The following IL22 variants were observed in gnomAD, a reference collection of about 807,000 sequenced individuals.
The protein encoded by IL22 is interleukin 22.
In IL22, 15 loss-of-function variants were observed where a neutral mutation model predicts 15.5. The ratio of observed to expected loss-of-function variants is 0.97; its 90% CI spans 0.65 to 1.49. The LOEUF (loss-of-function observed/expected upper bound fraction) is 1.49, where lower values mean the gene tolerates loss of function less well. Ranked by LOEUF, IL22 falls within the 40% of genes most tolerant of loss-of-function variation. The probability of loss-of-function intolerance (pLI) is 0.00; values close to 1 mark genes in which losing one functional copy is unlikely to be tolerated. For synonymous variants in IL22, 91 were observed against 82.0 expected (o/e 1.11, Z -0.60); for missense variants, 225 against 215.4 (o/e 1.04, Z -0.28).
At chr12:68,249,012 T>A (rs1342988270) in intron 5 of IL22, 136 bp from the exon 6 acceptor site, 2 of 707,016 alleles carry the variant, frequency 2.8e-6, no homozygotes, top group Admixed American at 4.4e-5. Flanking sequence ...CATAGTAATA[T>A]CCCTTTAGTA....
chr12:68,252,914 C>T, intron 2 of IL22, 85 bp from the exon 3 acceptor site: 1 of 1,010,114 alleles, frequency 9.9e-7, no homozygotes, highest in Non-Finnish European at 1.6e-6. Context: ...CATCCCGTCT[C>T]CCCAGAGCAA....
At position 68,253,252 on chromosome 12, in the gene IL22, G is replaced by A. The variant is rs1870002945; in HGVS notation, c.186+11C>T. On this transcript the variant is annotated intron_variant, in intron 2 of 5. Transcript: ENST00000538666. ...AGATCCAACGAGAAAGAGCAGGATT[G>A]AGATGTATACCTCCTTAGCCAGCAT... 4 of 1,606,276 alleles carry A rather than the reference G, an allele frequency of 2.5e-6. No homozygotes were observed. Among genetic ancestry groups the A allele is most frequent in the Non-Finnish European group, 2.6e-6 (3 of 1,174,978 alleles).
chr12:68,253,070 A>T (rs1206773027), intron 2 of IL22, among the ~76,000 whole-genome samples, 193 bp downstream of exon 2: 4 of 140,744 alleles, frequency 2.8e-5, no homozygotes, highest in Non-Finnish European at 6.1e-5. Flanking sequence ...TAAAGGCCAA[A>T]ATGGAAGGAA....
In IL22 at chr12:68,248,792, G is replaced by T. The variant is rs773429042; in HGVS notation, c.*7C>A. The T allele has an allele frequency of 6.2e-6, 10 of 1,608,332 alleles. No individual in the cohort carries two copies. The highest frequency in any genetic ancestry group is 8.5e-6 in the Non-Finnish European group (10 of 1,175,488). Reference sequence around the variant, plus strand: ...GGTTAGTTATTCATTTTTCAGCTTTGCTCTGGTCAAATGCAGGCATTTCTC... The same window carrying T: ...GGTTAGTTATTCATTTTTCAGCTTTTCTCTGGTCAAATGCAGGCATTTCTC... On this transcript the variant is annotated 3_prime_UTR_variant, in exon 6 of 6. Transcript: ENST00000538666.
chr12:68,248,719 A>C lies in IL22; in HGVS notation c.*80T>G, dbSNP rs1043798784. 134 of 1,164,948 alleles carry C rather than the reference A, an allele frequency of 1.2e-4. No individual in the cohort carries two copies. The Middle Eastern group carries it at 1.4e-3, about 12-fold the overall frequency. 72.2% of individuals were successfully genotyped at this position (1,164,948 alleles called of 1,614,324 possible). On this transcript the variant is annotated 3_prime_UTR_variant, in exon 6 of 6. Coordinates refer to ENST00000538666, the MANE Select transcript of IL22 (RefSeq NM_020525.5). ...GGCTTCCCATCTTCCTTTTGGTTAA[A>C]AAAAATCGCTTTGGGGCATCTAATT... is the stretch of plus-strand genomic sequence containing the variant.
intron 5 of IL22, among the ~76,000 whole-genome samples, chr12:68,249,292 ACAGG>A (rs1451649057): frequency 1.8e-4 from 27 of 152,214 alleles, no homozygotes; most frequent in African/African-American, 5.1e-4. Context: ...CCTGCAGCCC[ACAGG>A]CCGCACATGG....
intron 4 of IL22, 137 bp from the exon 5 acceptor site, chr12:68,251,715 C>T: frequency 1.5e-6 from 1 of 652,074 alleles, no homozygotes; most frequent in Non-Finnish European, 2.7e-6. Context: ...TAGATTTCAA[C>T]AGTGACCTAG....
At position 68,249,762 on chromosome 12, in the gene IL22, A is replaced by C. The variant is rs547831930; in HGVS notation, c.463-886T>G. On this transcript the variant is annotated intron_variant, in intron 5 of 5. Transcript: ENST00000538666. ...AAGCATTCCCTACTGAAATTCCTCTAATCTATCATATTTGCATTATTTCAA... is the reference window on the plus strand; with the variant it reads ...AAGCATTCCCTACTGAAATTCCTCTCATCTATCATATTTGCATTATTTCAA... Among the ~76,000 whole-genome samples, 8 of 152,326 alleles carry C rather than the reference A, an allele frequency of 5.3e-5. No individual in the cohort carries two copies. In the East Asian group the frequency reaches 1.3e-3, roughly 26 times the overall value.
chr12:68,251,877 A>G (rs1457763954), intron 4 of IL22, among the ~76,000 whole-genome samples: 1 of 152,186 alleles, frequency 6.6e-6, no homozygotes, highest in Non-Finnish European at 1.5e-5. Flanking sequence ...TAAAACCTCA[A>G]TCGTATCTCC....
At chr12:68,250,612 C>T (rs1419864290) in intron 5 of IL22, among the ~76,000 whole-genome samples, 1 of 152,140 alleles carries the variant, frequency 6.6e-6, no homozygotes. Flanking sequence ...ATCATTCCTC[C>T]GGTTTTGGGG....
At chr12:68,252,985 G>C (rs2227489) in intron 2 of IL22, among the ~76,000 whole-genome samples, 156 bp from the exon 3 acceptor site, 2,335 of 145,076 alleles carry the variant, frequency 0.016, 68 homozygotes, top group African/African-American at 0.054. Flanking sequence ...ATGCACAGAG[G>C]CATAAAGGAA....
chr12:68,249,604 A>G (rs1237919619), intron 5 of IL22, among the ~76,000 whole-genome samples: 2 of 152,232 alleles, frequency 1.3e-5, no homozygotes, highest in African/African-American at 4.8e-5. Context: ...AAAAATACCA[A>G]ATAAGTCTTT....
intron 3 of IL22, 30 bp from the exon 4 acceptor site, chr12:68,252,677 A>G (rs762406455): frequency 1.4e-5 from 23 of 1,613,528 alleles, no homozygotes; most frequent in Non-Finnish European, 1.9e-5. Flanking sequence ...AGAAAGGGTC[A>G]TAAGGGATAA....
At chr12:68,253,090 G>GA (rs34979529) in intron 2 of IL22, among the ~76,000 whole-genome samples, 173 bp downstream of exon 2, 85,627 of 142,454 alleles carry the variant, frequency 0.6, 25,846 homozygotes, top group African/African-American at 0.71. Flanking sequence ...AGAAGTTCAA[G>GA]AAAAAAAAAA....
intron 1 of IL22, 25 bp from the exon 2 acceptor site, chr12:68,253,519 C>A (rs1870016184): frequency 8.5e-7 from 1 of 1,182,720 alleles, no homozygotes; most frequent in Non-Finnish European, 1.2e-6. Context: ...CGTGAAGGAA[C>A]AAAATTAGTC....
At chr12:68,249,194 G>A (rs1869839459) in intron 5 of IL22, among the ~76,000 whole-genome samples, 1 of 152,130 alleles carries the variant, frequency 6.6e-6, no homozygotes, top group African/African-American at 2.4e-5. Context: ...TGGGATCTGG[G>A]GGATCCCGAG....
At chr12:68,249,036 CAAAGAGCTTAA>C (rs1199688172) in intron 5 of IL22, among the ~76,000 whole-genome samples, 160 bp from the exon 6 acceptor site, 3 of 152,032 alleles carry the variant, frequency 2.0e-5, no homozygotes. Context: ...TATGATTTGC[CAAAGAGCTTAA>C]AATGACGGCT....
rs532970209 is a variant in IL22 at position 68,251,453 on chromosome 12, A to G, written c.462+60T>C. 7.1e-6 allele frequency: 9 copies of G among 1,264,234 alleles called. No homozygotes were observed. The East Asian group carries it at 2.1e-4, about 29-fold the overall frequency. The allele number at this position is 1,264,234 out of a possible 1,614,324, so 78.3% of individuals were successfully genotyped here. A position where few individuals can be genotyped will look rare whatever the true frequency, so the allele number is the denominator to read the frequency against. On this transcript the variant is annotated intron_variant, in intron 5 of 5. Coordinates refer to ENST00000538666, the MANE Select transcript of IL22 (RefSeq NM_020525.5). ...AAAGTGATGGGAAGAAAGAAAGGAA[A>G]GAAAAACAACATTTGTCTCTCCTAT...
Position 68,248,759 on chromosome 12 carries a change from G to A in IL22, c.*40C>T. 1.3e-6 allele frequency: 2 copies of A among 1,515,398 alleles called. No homozygotes were observed. Among genetic ancestry groups the A allele is most frequent in the Non-Finnish European group, 1.8e-6 (2 of 1,097,124 alleles). The allele number at this position is 1,515,398 out of a possible 1,614,324, so 93.9% of individuals were successfully genotyped here. A position where few individuals can be genotyped will look rare whatever the true frequency, so the allele number is the denominator to read the frequency against. ...GGCATCTAATTGTTATTTCTAGCAG[G>A]GAAAGGGGGTTAGTTATTCATTTTT... On this transcript the variant is annotated 3_prime_UTR_variant, in exon 6 of 6. Coordinates refer to ENST00000538666, the MANE Select transcript of IL22 (RefSeq NM_020525.5).
Sources: gnomAD v4.1 joint callset for allele counts (sites outside exome capture counted in the v4.1 genomes callset) on GRCh38, gnomAD v4.1.1 for gene constraint, MANE v1.5 for transcripts, NCBI Gene and HGNC (gene_info 2026-07-23, HGNC 2026-07-21) for gene names.